Variants in ASB18 observed in about 807,000 individuals in gnomAD.
ASB18 encodes the protein ankyrin repeat and SOCS box containing 18, also known as ankyrin repeat and SOCS box protein 18.
In ASB18, 33 loss-of-function variants were observed where a neutral mutation model predicts 33.4. The observed-to-expected ratio is 0.99, with a 90% confidence interval of 0.75 to 1.32. The LOEUF is 1.32. ASB18 is among the 40% of genes most tolerant of loss of function. The pLI is 0.00. For synonymous variants in ASB18, 295 were observed against 307.6 expected, an observed-to-expected ratio of 0.96 and a Z score of 0.43; for missense variants, 694 against 655.5, an observed-to-expected ratio of 1.06 and a Z score of -0.64.
Position 236,237,031 on chromosome 2 carries a change from C to T in ASB18, c.596+658G>A, listed in dbSNP as rs2060595141. Among the ~76,000 whole-genome samples, 1 of 151,594 alleles carries T rather than the reference C, an allele frequency of 6.6e-6. No homozygotes were observed. On this transcript the variant is annotated intron_variant, in intron 3 of 5. Transcript: ENST00000409749. The surrounding 1 kb of genome is among the most constrained non-coding windows in gnomAD (Gnocchi z 6.2). ...GGGCGCTCTCTGGGGACGGGGGCTG[C>T]GGGACCCCCAGACCCCGCGCCCGGG...
At position 236,256,215 on chromosome 2, in the gene ASB18, T is replaced by C. The variant is rs912911548; in HGVS notation, c.205+7926A>G. 8.6e-5 allele frequency among the ~76,000 whole-genome samples: 13 copies of C among 151,978 alleles called. No individual in the cohort carries two copies. The highest frequency in any genetic ancestry group is 2.6e-4 in the Admixed American group (4 of 15,268). On this transcript the variant is annotated intron_variant, in intron 1 of 5. Transcript: ENST00000409749. The surrounding 1 kb of genome is among the most constrained non-coding windows in gnomAD (Gnocchi z 4.7). Reference sequence around the variant, plus strand: ...CTAATTGGTGTATTTTTTGTAGAGATAGAGTCTTGCCATGTTGCTCAGGCT... The same window carrying C: ...CTAATTGGTGTATTTTTTGTAGAGACAGAGTCTTGCCATGTTGCTCAGGCT...
rs2060706306 is a variant in ASB18, at chr2:236,259,035, T to TG, written c.205+5105dup. Among the ~76,000 whole-genome samples the TG allele has an allele frequency of 6.6e-6, 1 of 152,176 alleles. No individual in the cohort carries two copies. Among genetic ancestry groups the TG allele is most frequent in the South Asian group, 2.1e-4 (1 of 4,824 alleles). ...TACCAAATTGTACAGTTGATGCATTTGGGGGGCGAGATGGGTCTCACTGCC... is the reference window on the plus strand; with the variant it reads ...TACCAAATTGTACAGTTGATGCATTTGGGGGGGCGAGATGGGTCTCACTGCC... On this transcript the variant is annotated intron_variant, in intron 1 of 5. Coordinates refer to ENST00000409749, the MANE Select transcript of ASB18 (RefSeq NM_212556.4). This position sits in a 1 kb window ranked among gnomAD's most constrained non-coding sequence, Gnocchi z 4.4.
At chr2:236,240,581 C>T (rs1275141534) in intron 2 of ASB18, among the ~76,000 whole-genome samples, 1 of 152,296 alleles carries the variant, frequency 6.6e-6, no homozygotes, top group Non-Finnish European at 1.5e-5. Flanking sequence ...GGGTGCCATC[C>T]GAGAAAGCCC....
In ASB18 at chr2:236,196,232, A is replaced by G; in HGVS notation, c.1215+40T>C. On this transcript the variant is annotated intron_variant, in intron 5 of 5. Coordinates refer to ENST00000409749, the MANE Select transcript of ASB18 (RefSeq NM_212556.4). This position sits in a 1 kb window ranked among gnomAD's most constrained non-coding sequence, Gnocchi z 5.6. ...ATGCAAAGAAGCAAAAACAGACAAAAGTTTTGTACTAAAGATGGGCAGAAA... is the reference window on the plus strand; with the variant it reads ...ATGCAAAGAAGCAAAAACAGACAAAGGTTTTGTACTAAAGATGGGCAGAAA... 1.7e-6 allele frequency: 2 copies of G among 1,170,018 alleles called. No homozygotes were observed. Among genetic ancestry groups the G allele is most frequent in the Non-Finnish European group, 2.5e-6 (2 of 798,440 alleles). The allele number at this position is 1,170,018 out of a possible 1,614,324, so 72.5% of individuals were successfully genotyped here.
chr2:236,263,015 T>C lies in ASB18; in HGVS notation c.205+1126A>G, dbSNP rs1450955152. Among the ~76,000 whole-genome samples, 1 of 151,798 alleles carries C rather than the reference T, an allele frequency of 6.6e-6. No homozygotes were observed. Among genetic ancestry groups the C allele is most frequent in the Non-Finnish European group, 1.5e-5 (1 of 68,032 alleles). On this transcript the variant is annotated intron_variant, in intron 1 of 5. Transcript: ENST00000409749. The surrounding 1 kb of genome is among the most constrained non-coding windows in gnomAD (Gnocchi z 4.0). ...TCCTCCTGCATGTTGCGCACACGTG[T>C]GCATGTGATGCATGTACTTGCGTGT...
Position 236,194,795 on chromosome 2 carries a change from C to T in ASB18, c.*77G>A. On this transcript the variant is annotated 3_prime_UTR_variant, in exon 6 of 6. Coordinates refer to ENST00000409749, the MANE Select transcript of ASB18 (RefSeq NM_212556.4). The surrounding 1 kb of genome is among the most constrained non-coding windows in gnomAD (Gnocchi z 4.5). The stretch of plus-strand genomic sequence containing the variant: ...GAACTCCCATCACCTCCATCTGCAT[C>T]AGGGCACTCTCCAACACACGGCCTC... The T allele has an allele frequency of 7.6e-7, 1 of 1,314,814 alleles. No homozygotes were observed. The allele number at this position is 1,314,814 out of a possible 1,614,324, so 81.4% of individuals were successfully genotyped here.
intron 2 of ASB18, among the ~76,000 whole-genome samples, chr2:236,240,324 T>C (rs2106279987): frequency 6.6e-6 from 1 of 152,316 alleles, no homozygotes; most frequent in South Asian, 2.1e-4. Flanking sequence ...TGACAGTGTT[T>C]TGAGTTTATT....
rs2060562107 is a variant in ASB18, at chr2:236,231,031, T to TC, written c.596+6657_596+6658insG. Among the ~76,000 whole-genome samples, 1 of 152,152 alleles carries TC rather than the reference T, an allele frequency of 6.6e-6. No homozygotes were observed. The highest frequency in any genetic ancestry group is 2.4e-5 in the African/African-American group (1 of 41,432). On this transcript the variant is annotated intron_variant, in intron 3 of 5. Transcript: ENST00000409749. The surrounding 1 kb of genome is among the most constrained non-coding windows in gnomAD (Gnocchi z 5.5). ...AATGAAAGGATGGTATGGTAGGCAG[T>TC]ATCTAGCATGGTCCCCCACTGAAGT... is the stretch of plus-strand genomic sequence containing the variant.
Position 236,234,706 on chromosome 2 carries a change from A to G in ASB18, c.596+2983T>C, listed in dbSNP as rs1388981937. ...ATTCACAAATACTTATTTTCTACTA[A>G]CAGTGCTGGAACTGTCAGATATCCA... On this transcript the variant is annotated intron_variant, in intron 3 of 5. Transcript: ENST00000409749. The surrounding 1 kb of genome is among the most constrained non-coding windows in gnomAD (Gnocchi z 4.1). 1.3e-5 allele frequency among the ~76,000 whole-genome samples: 2 copies of G among 152,242 alleles called. No homozygotes were observed. Among genetic ancestry groups the G allele is most frequent in the African/African-American group, 2.4e-5 (1 of 41,454 alleles).
Position 236,259,572 on chromosome 2 carries a change from A to G in ASB18, c.205+4569T>C, listed in dbSNP as rs2106287443. Reference sequence around the variant, plus strand: ...TTCCAGTGGACGTGACCTCCCCTGCATGGGGTCGGAAGGATGAGATGGCAA... The same window carrying G: ...TTCCAGTGGACGTGACCTCCCCTGCGTGGGGTCGGAAGGATGAGATGGCAA... On this transcript the variant is annotated intron_variant, in intron 1 of 5. Coordinates refer to ENST00000409749, the MANE Select transcript of ASB18 (RefSeq NM_212556.4). This position sits in a 1 kb window ranked among gnomAD's most constrained non-coding sequence, Gnocchi z 4.4. The G allele has an allele frequency of 2.1e-6, 1 of 471,164 alleles. No homozygotes were observed. 29.2% of individuals were successfully genotyped at this position (471,164 alleles called of 1,614,324 possible).
rs1559335075 is a variant in ASB18 at position 236,237,381 on chromosome 2, CGGGG to C, written c.596+304_596+307del. Among the ~76,000 whole-genome samples, 63 of 61,246 alleles carry C rather than the reference CGGGG, an allele frequency of 1.0e-3. 5 individuals carry two copies. Among genetic ancestry groups the C allele is most frequent in the African/African-American group, 5.4e-3 (56 of 10,354 alleles). The allele number at this position is 61,246 out of a possible 152,430, so 40.2% of individuals were successfully genotyped here. On this transcript the variant is annotated intron_variant, in intron 3 of 5. Transcript: ENST00000409749. This position sits in a 1 kb window ranked among gnomAD's most constrained non-coding sequence, Gnocchi z 6.2. ...CGGGGCGGGGGCCGGGGCCGGGGCG[CGGGG>C]CGGGGGCCGGGGCCGGGGCGCGGGG...
At position 236,217,862 on chromosome 2, in the gene ASB18, C is replaced by T. The variant is rs750658182; in HGVS notation, c.597-2996G>A. On this transcript the variant is annotated intron_variant, in intron 3 of 5. Coordinates refer to ENST00000409749, the MANE Select transcript of ASB18 (RefSeq NM_212556.4). The surrounding 1 kb of genome is among the most constrained non-coding windows in gnomAD (Gnocchi z 5.2). ...GAGGATGCAAATTTTACAGTCAGAG[C>T]GCTTCACTTTGCTTCCTATTTGCTT... Among the ~76,000 whole-genome samples the T allele has an allele frequency of 6.6e-5, 10 of 152,260 alleles. No individual in the cohort carries two copies. Among genetic ancestry groups the T allele is most frequent in the South Asian group, 6.2e-4 (3 of 4,814 alleles).
At position 236,253,338 on chromosome 2, in the gene ASB18, G is replaced by T. The variant is rs6754256; in HGVS notation, c.205+10803C>A. 0.25 allele frequency among the ~76,000 whole-genome samples: 37,869 copies of T among 152,020 alleles called. 6,866 individuals carry two copies. The highest frequency in any genetic ancestry group is 0.52 in the African/African-American group (21,386 of 41,426). The stretch of plus-strand genomic sequence containing the variant: ...GGATTTTCTTTTCTGAGTCTAATTT[G>T]TTGCAGTTTGATTCTCATTCAAGGG... On this transcript the variant is annotated intron_variant, in intron 1 of 5. Transcript: ENST00000409749. This position sits in a 1 kb window ranked among gnomAD's most constrained non-coding sequence, Gnocchi z 5.4.
Position 236,250,042 on chromosome 2 carries a change from A to G in ASB18, c.206-8640T>C, listed in dbSNP as rs7598601. 0.26 allele frequency: 39,867 copies of G among 152,184 alleles called. 7,884 individuals carry two copies. The highest frequency in any genetic ancestry group is 0.56 in the African/African-American group (23,262 of 41,496). 9.4% of individuals were successfully genotyped at this position (152,184 alleles called of 1,614,324 possible). A position where few individuals can be genotyped will look rare whatever the true frequency, so the allele number is the denominator to read the frequency against. On this transcript the variant is annotated intron_variant, in intron 1 of 5. Transcript: ENST00000409749. This position sits in a 1 kb window ranked among gnomAD's most constrained non-coding sequence, Gnocchi z 4.1. ...CCTATAGTGTAGGTAGCTAATGAGAAGGAGTTTTTGCCTCTGGATCAAATG... is the reference window on the plus strand; with the variant it reads ...CCTATAGTGTAGGTAGCTAATGAGAGGGAGTTTTTGCCTCTGGATCAAATG...
chr2:236,207,233 G>C (rs2060438760), intron 4 of ASB18, among the ~76,000 whole-genome samples: 1 of 152,184 alleles, frequency 6.6e-6, no homozygotes, highest in Admixed American at 6.5e-5. Flanking sequence ...GCACGGATTT[G>C]ATTCTTTCTT....
Position 236,214,920 on chromosome 2 carries a change from T to G in ASB18, c.597-54A>C. The G allele has an allele frequency of 1.3e-5, 16 of 1,192,130 alleles. No homozygotes were observed. Among genetic ancestry groups the G allele is most frequent in the Middle Eastern group, 6.7e-4 (2 of 2,974 alleles). 73.8% of individuals were successfully genotyped at this position (1,192,130 alleles called of 1,614,324 possible). A position where few individuals can be genotyped will look rare whatever the true frequency, so the allele number is the denominator to read the frequency against. ...GCGCCACGCAGGACGCCCGCACCCT[T>G]CCACCCCCGGCCTGCTGCTGCAAAA... On this transcript the variant is annotated intron_variant, in intron 3 of 5. Coordinates refer to ENST00000409749, the MANE Select transcript of ASB18 (RefSeq NM_212556.4). The surrounding 1 kb of genome is among the most constrained non-coding windows in gnomAD (Gnocchi z 6.5).
chr2:236,240,775 A>G (rs2060617860), intron 2 of ASB18, among the ~76,000 whole-genome samples: 1 of 152,172 alleles, frequency 6.6e-6, no homozygotes, highest in African/African-American at 2.4e-5. Context: ...TTCCTTCCCC[A>G]TTCTTGGGAT....
Position 236,204,640 on chromosome 2 carries a change from T to G in ASB18, c.1102-8255A>C, listed in dbSNP as rs2106264804. Among the ~76,000 whole-genome samples the G allele has an allele frequency of 6.6e-6, 1 of 152,326 alleles. No homozygotes were observed. The highest frequency in any genetic ancestry group is 2.4e-5 in the African/African-American group (1 of 41,574). On this transcript the variant is annotated intron_variant, in intron 4 of 5. Transcript: ENST00000409749. This position sits in a 1 kb window ranked among gnomAD's most constrained non-coding sequence, Gnocchi z 5.1. The stretch of plus-strand genomic sequence containing the variant: ...ACCTGGCTGTATCCCACACTCAACA[T>G]ACCAAAAACTGAACTCCCTTGTTCA...
rs1482228674 is a variant in ASB18, at chr2:236,255,301, G to A, written c.205+8840C>T. On this transcript the variant is annotated intron_variant, in intron 1 of 5. Coordinates refer to ENST00000409749, the MANE Select transcript of ASB18 (RefSeq NM_212556.4). The surrounding 1 kb of genome is among the most constrained non-coding windows in gnomAD (Gnocchi z 4.4). Reference sequence around the variant, plus strand: ...TGAAATTACAGGCGCCCACCACGACGCCCAGCTAATTTATATATTTTTTGT... The same window carrying A: ...TGAAATTACAGGCGCCCACCACGACACCCAGCTAATTTATATATTTTTTGT... Among the ~76,000 whole-genome samples the A allele has an allele frequency of 6.6e-6, 1 of 151,884 alleles. No individual in the cohort carries two copies. The highest frequency in any genetic ancestry group is 1.5e-5 in the Non-Finnish European group (1 of 67,988).
Sources: allele counts gnomAD v4.1 joint callset (sites outside exome capture counted in the v4.1 genomes callset), GRCh38; gene constraint gnomAD v4.1.1; non-coding constraint Gnocchi (gnomAD v3.1); transcripts MANE v1.5; gene names NCBI Gene and HGNC (gene_info 2026-07-23, HGNC 2026-07-21).